TMEM39B: variants seen among roughly 807,000 people sequenced by gnomAD.
TMEM39B encodes the protein transmembrane protein 39B.
Under a neutral mutation model 52.2 loss-of-function variants are expected in TMEM39B, and 23 were observed. That is an observed-to-expected ratio of 0.44 (90% CI 0.32 to 0.62). The LOEUF (loss-of-function observed/expected upper bound fraction) is 0.62. TMEM39B is among the 20% of genes least tolerant of loss of function. The pLI is 0.06. For missense variants in TMEM39B, 547 were observed against 642.0 expected, an observed-to-expected ratio of 0.85 and a Z score of 1.60; for synonymous variants, 285 against 264.0, an observed-to-expected ratio of 1.08 and a Z score of -0.77.
At chr1:32,101,834 A>G (rs897516670) in intron 8 of TMEM39B, among the ~76,000 whole-genome samples, 2 of 152,086 alleles carry the variant, frequency 1.3e-5, no homozygotes, top group African/African-American at 4.8e-5. Context: ...TTTTGAACTC[A>G]TCAGAGATTT....
Position 32,086,766 on chromosome 1 carries a change from CA to C in TMEM39B, c.591-4896del, listed in dbSNP as rs894389649. On this transcript the variant is annotated intron_variant, in intron 5 of 8. Coordinates refer to ENST00000336294, the MANE Select transcript of TMEM39B (RefSeq NM_018056.4). ...TGGGAAACAGAGCCAGGCCCTGTCT[CA>C]AAAAAAAAAAAAGAGAGAGAAACTG... Among the ~76,000 whole-genome samples the C allele has an allele frequency of 3.0e-3, 407 of 136,612 alleles. 2 individuals carry two copies. The highest frequency in any genetic ancestry group is 3.9e-3 in the Admixed American group (52 of 13,506). The allele number at this position is 136,612 out of a possible 152,430, so 89.6% of individuals were successfully genotyped here.
intron 6 of TMEM39B, 88 bp downstream of exon 6, chr1:32,092,099 T>C: frequency 8.1e-7 from 1 of 1,239,720 alleles, no homozygotes; most frequent in Non-Finnish European, 1.1e-6. Flanking sequence ...CTGGCCTAAC[T>C]ATGCTGTTTT....
In TMEM39B at chr1:32,082,957, G is replaced by A. The variant is rs185212256; in HGVS notation, c.590+5639G>A. Among the ~76,000 whole-genome samples, 809 of 150,254 alleles carry A rather than the reference G, an allele frequency of 5.4e-3. 4 individuals are homozygous for A. The highest frequency in any genetic ancestry group is 0.019 in the African/African-American group (766 of 40,778). On this transcript the variant is annotated intron_variant, in intron 5 of 8. Coordinates refer to ENST00000336294, the MANE Select transcript of TMEM39B (RefSeq NM_018056.4). ...GCCTGGCTAGTTTTTTGTATGTTTA[G>A]TAGAGACGGGGTTTCACCGTGTTAG...
At chr1:32,075,955 T>C (rs892780910) in intron 3 of TMEM39B, 133 bp downstream of exon 3, 2 of 612,850 alleles carry the variant, frequency 3.3e-6, no homozygotes, top group Admixed American at 6.1e-5. Context: ...ATGCTGAACA[T>C]GGAAGGTGCT....
At chr1:32,102,324 A>G (rs1196602787) in intron 8 of TMEM39B, 107 bp from the exon 9 acceptor site, 4 of 1,491,400 alleles carry the variant, frequency 2.7e-6, no homozygotes, top group Non-Finnish European at 3.6e-6. Flanking sequence ...CCATGTCTGC[A>G]TGGGGCCCCA....
rs751471063 is a variant in TMEM39B, at chr1:32,075,087, C to T, written c.131+10C>T. On this transcript the variant is annotated intron_variant, in intron 2 of 8. Coordinates refer to ENST00000336294, the MANE Select transcript of TMEM39B (RefSeq NM_018056.4). ...TTCGTTCCCGCACCAGGTAAACCAC[C>T]TCTCTGTCTCACCCCTCACTGTGGC... 9 of 1,546,834 alleles carry T rather than the reference C, an allele frequency of 5.8e-6. No homozygotes were observed. The African/African-American group carries it at 9.6e-5, about 16-fold the overall frequency.
At chr1:32,085,759 A>AC (rs973972150) in intron 5 of TMEM39B, among the ~76,000 whole-genome samples, 8 of 152,134 alleles carry the variant, frequency 5.3e-5, no homozygotes, top group African/African-American at 1.9e-4. Flanking sequence ...TCAAAAAAAA[A>AC]AAAAAAATTC....
At chr1:32,096,765 CCTTT>C (rs1640825172) in intron 7 of TMEM39B, among the ~76,000 whole-genome samples, 1 of 151,188 alleles carries the variant, frequency 6.6e-6, no homozygotes, top group Non-Finnish European at 1.5e-5. Flanking sequence ...TTGGCCTAGG[CCTTT>C]CTTTTTAAGG....
At chr1:32,079,932 G>A (rs1640025439) in intron 5 of TMEM39B, among the ~76,000 whole-genome samples, 1 of 151,984 alleles carries the variant, frequency 6.6e-6, no homozygotes, top group African/African-American at 2.4e-5. Context: ...ACCAAGCCCA[G>A]CTAATTTTGT....
Position 32,073,021 on chromosome 1 carries a change from C to T in TMEM39B, c.-27C>T. On this transcript the variant is annotated 5_prime_UTR_variant, in exon 1 of 9. Coordinates refer to ENST00000336294, the MANE Select transcript of TMEM39B (RefSeq NM_018056.4). ...ATATTGCCCGCAGGAGCTGCGGCGG[C>T]GAAGCGGAGAGCACCGGGGGGAGGA... 6.5e-7 allele frequency: 1 copy of T among 1,529,588 alleles called. No homozygotes were observed. Among genetic ancestry groups the T allele is most frequent in the East Asian group, 2.6e-5 (1 of 38,286 alleles). The allele number at this position is 1,529,588 out of a possible 1,614,324, so 94.8% of individuals were successfully genotyped here.
At chr1:32,081,244 C>A (rs761038955) in intron 5 of TMEM39B, among the ~76,000 whole-genome samples, 3 of 151,562 alleles carry the variant, frequency 2.0e-5, no homozygotes, top group Non-Finnish European at 4.4e-5. Flanking sequence ...AACCTATTAT[C>A]CAGTTCTAAA....
chr1:32,073,277 G>C (rs371842773), intron 1 of TMEM39B: 20 of 560,310 alleles, frequency 3.6e-5, no homozygotes, highest in East Asian at 2.5e-4. Context: ...GAAGCCCTGT[G>C]GGGGCTTGGG....
intron 1 of TMEM39B, chr1:32,073,704 T>G (rs545709292): frequency 1.0e-6 from 1 of 985,362 alleles, no homozygotes; most frequent in South Asian, 4.7e-5. Context: ...TGGGGGTTTA[T>G]GGAGGGCAGA....
chr1:32,083,986 G>GACACACACACACACACACACAC lies in TMEM39B; in HGVS notation c.590+6675_590+6676insCACACACACACACACACACACA, dbSNP rs779224876. 6.1e-3 allele frequency among the ~76,000 whole-genome samples: 928 copies of GACACACACACACACACACACAC among 151,482 alleles called. 18 individuals carry two copies. Among genetic ancestry groups the GACACACACACACACACACACAC allele is most frequent in the African/African-American group, 0.021 (866 of 41,042 alleles). ...GGCAATAGAGCAAGACCCTGTTTCA[G>GACACACACACACACACACACAC]ACACACAGACACACACACACACACA... On this transcript the variant is annotated intron_variant, in intron 5 of 8. Transcript: ENST00000336294.
intron 2 of TMEM39B, 36 bp downstream of exon 2, chr1:32,075,113 C>A: frequency 6.5e-7 from 1 of 1,532,328 alleles, no homozygotes; most frequent in Admixed American, 2.0e-5. Context: ...TCACTGTGGC[C>A]TCACAGGGAC....
intron 5 of TMEM39B, chr1:32,086,998 G>A (rs1475562522): frequency 6.6e-6 from 1 of 152,164 alleles, no homozygotes. Flanking sequence ...GAATAGCTGG[G>A]ACTACAGGTG....
chr1:32,081,323 G>A (rs1447589081), intron 5 of TMEM39B, among the ~76,000 whole-genome samples: 1 of 151,530 alleles, frequency 6.6e-6, no homozygotes, highest in Non-Finnish European at 1.5e-5. Flanking sequence ...CCAGGCTGGA[G>A]TGCAGTGGTG....
chr1:32,076,505 G>C, intron 3 of TMEM39B: 2 of 625,556 alleles, frequency 3.2e-6, no homozygotes, highest in Non-Finnish European at 3.0e-6. Flanking sequence ...ACACAGTATA[G>C]GGACAGGGGC....
chr1:32,081,645 G>A (rs777767816), intron 5 of TMEM39B, among the ~76,000 whole-genome samples: 1 of 151,580 alleles, frequency 6.6e-6, no homozygotes, highest in Non-Finnish European at 1.5e-5. Flanking sequence ...CTACTTGGGA[G>A]GCTGAGGCAG....
Sources: allele counts gnomAD v4.1 joint callset (sites outside exome capture counted in the v4.1 genomes callset), GRCh38; gene constraint gnomAD v4.1.1; transcripts MANE v1.5; gene names NCBI Gene and HGNC (gene_info 2026-07-23, HGNC 2026-07-21).